The following CSMD1 variants were observed in gnomAD, a reference collection of about 807,000 sequenced individuals.
The protein encoded by CSMD1 is CUB and sushi domain-containing protein 1.
CSMD1 carries 213 observed loss-of-function variants against 417.5 expected under a neutral mutation model. That is an observed-to-expected ratio of 0.51 (90% CI 0.46 to 0.57). CSMD1 has a LOEUF of 0.57. Among genes scored for constraint, CSMD1 ranks in the 20% least tolerant of loss-of-function variants. The probability of loss-of-function intolerance (pLI) is 0.00; values close to 1 mark genes in which losing one functional copy is unlikely to be tolerated. For synonymous variants in CSMD1, 2,862 were observed against 1,736.8 expected (o/e 1.65, Z -16.11); for missense variants, 6,923 against 4,529.7 (o/e 1.53, Z -15.17).
In CSMD1 at chr8:4,658,237, C is replaced by T. The variant is rs149298549; in HGVS notation, c.86-20679G>A. ...ATTTACTAATCAAAATAAATCAACA[C>T]ATTCGAGAAACTCAGATACGTGTAG... On this transcript the variant is annotated intron_variant, in intron 1 of 69. Coordinates refer to ENST00000635120, the MANE Select transcript of CSMD1 (RefSeq NM_033225.6). Among the ~76,000 whole-genome samples the T allele has an allele frequency of 4.5e-3, 687 of 152,230 alleles. 1 individual carries two copies. Among genetic ancestry groups the T allele is most frequent in the Non-Finnish European group, 6.9e-3 (470 of 67,982 alleles).
chr8:3,246,755 G>C (rs1397705102), intron 26 of CSMD1, among the ~76,000 whole-genome samples: 1 of 152,140 alleles, frequency 6.6e-6, no homozygotes, highest in African/African-American at 2.4e-5. Flanking sequence ...TTACAGGTGT[G>C]AACCACCGGG....
intron 1 of CSMD1, among the ~76,000 whole-genome samples, chr8:4,961,103 G>T (rs548678466): frequency 6.6e-6 from 1 of 152,028 alleles, no homozygotes; most frequent in African/African-American, 2.4e-5. Context: ...ACCTCATTAG[G>T]ACTATAAAAT....
At chr8:3,960,558 T>C (rs1327580074) in intron 5 of CSMD1, among the ~76,000 whole-genome samples, 2 of 152,146 alleles carry the variant, frequency 1.3e-5, no homozygotes, top group Admixed American at 6.6e-5. Flanking sequence ...GCATTTTTAG[T>C]CTTGAGGATT....
At chr8:4,096,619 A>G (rs1170866987) in intron 3 of CSMD1, among the ~76,000 whole-genome samples, 1 of 152,250 alleles carries the variant, frequency 6.6e-6, no homozygotes, top group Non-Finnish European at 1.5e-5. Flanking sequence ...ATCAATTACA[A>G]TGAAAGATAT....
At chr8:3,466,514 A>G (rs1431071600) in intron 12 of CSMD1, among the ~76,000 whole-genome samples, 2 of 150,834 alleles carry the variant, frequency 1.3e-5, no homozygotes, top group African/African-American at 4.9e-5. Flanking sequence ...GGTTCAAGCG[A>G]TTCTTCTGCC....
intron 1 of CSMD1, among the ~76,000 whole-genome samples, chr8:4,861,887 G>A (rs1188317308): frequency 1.3e-5 from 2 of 152,180 alleles, no homozygotes; most frequent in South Asian, 2.1e-4. Flanking sequence ...GAGAGACAGA[G>A]GGAGAACCTG....
intron 3 of CSMD1, among the ~76,000 whole-genome samples, chr8:4,277,304 A>G (rs1435535558): frequency 6.6e-6 from 1 of 152,102 alleles, no homozygotes; most frequent in African/African-American, 2.4e-5. Context: ...TTAAAAATCC[A>G]CTGAAGGGAA....
Position 4,342,778 on chromosome 8 carries a change from G to T in CSMD1, c.415+77175C>A, listed in dbSNP as rs1038372396. Among the ~76,000 whole-genome samples, 7 of 151,998 alleles carry T rather than the reference G, an allele frequency of 4.6e-5. No individual in the cohort carries two copies. The South Asian group carries it at 1.5e-3, about 32-fold the overall frequency. ...CGTGTTAAAAAGAAAAATAATACAA[G>T]CTCAAGGGACTTGGAAAGGTGGTTC... On this transcript the variant is annotated intron_variant, in intron 3 of 69. Coordinates refer to ENST00000635120, the MANE Select transcript of CSMD1 (RefSeq NM_033225.6).
At chr8:3,769,542 T>A (rs1251275834) in intron 5 of CSMD1, among the ~76,000 whole-genome samples, 2 of 150,236 alleles carry the variant, frequency 1.3e-5, no homozygotes, top group Admixed American at 6.6e-5. Context: ...GTGACAAAAA[T>A]ACACCTAGTT....
intron 3 of CSMD1, among the ~76,000 whole-genome samples, chr8:4,189,525 C>T (rs573977138): frequency 1.3e-5 from 2 of 152,150 alleles, no homozygotes; most frequent in South Asian, 4.1e-4. Flanking sequence ...TATTAAAGAT[C>T]AATCAACTTT....
chr8:4,957,518 T>G (rs1052048867), intron 1 of CSMD1, among the ~76,000 whole-genome samples: 8 of 152,136 alleles, frequency 5.3e-5, no homozygotes, highest in Admixed American at 4.6e-4. Flanking sequence ...TCTTATCAAC[T>G]TTTCTGAAGT....
chr8:4,339,522 T>G (rs1192305016), intron 3 of CSMD1, among the ~76,000 whole-genome samples: 3 of 152,244 alleles, frequency 2.0e-5, no homozygotes, highest in Middle Eastern at 3.4e-3. Context: ...GACTTCAATT[T>G]CAGTCCTACA....
intron 3 of CSMD1, among the ~76,000 whole-genome samples, chr8:4,125,595 C>T (rs1035139520): frequency 5.3e-5 from 8 of 152,218 alleles, no homozygotes; most frequent in African/African-American, 1.9e-4. Context: ...ACTGCCTTTG[C>T]AGAATTATAA....
intron 6 of CSMD1, among the ~76,000 whole-genome samples, chr8:3,743,126 C>G (rs1181029680): frequency 6.6e-6 from 1 of 152,172 alleles, no homozygotes; most frequent in Non-Finnish European, 1.5e-5. Context: ...GAGAGACTTG[C>G]TCAGTGTCAT....
chr8:4,978,989 A>G (rs1257569213), intron 1 of CSMD1, among the ~76,000 whole-genome samples: 1 of 152,220 alleles, frequency 6.6e-6, no homozygotes, highest in East Asian at 1.9e-4. Context: ...AGAAAGTAGT[A>G]GCAAACCTTA....
At chr8:2,938,845 G>A in intron 69 of CSMD1, 101 bp from the exon 70 acceptor site, 2 of 1,016,686 alleles carry the variant, frequency 2.0e-6, no homozygotes, top group South Asian at 1.6e-5. Flanking sequence ...GCAGGGAGCA[G>A]TATAGCCAGG....
At chr8:3,989,600 G>A (rs543392679) in intron 5 of CSMD1, among the ~76,000 whole-genome samples, 4 of 152,080 alleles carry the variant, frequency 2.6e-5, no homozygotes, top group African/African-American at 9.7e-5. Flanking sequence ...AGATTTCTCA[G>A]GTGCCATCTA....
chr8:4,332,671 C>G (rs534212563), intron 3 of CSMD1, among the ~76,000 whole-genome samples: 1 of 151,790 alleles, frequency 6.6e-6, no homozygotes, highest in African/African-American at 2.4e-5. Context: ...GTTTTGCTAG[C>G]TGGCACCCCT....
chr8:3,975,576 G>C (rs775756256), intron 5 of CSMD1, among the ~76,000 whole-genome samples: 6 of 152,154 alleles, frequency 3.9e-5, no homozygotes, highest in African/African-American at 9.7e-5. Context: ...CTTTATCAGA[G>C]AGAAGCTGGG....
Sources: gnomAD v4.1 joint callset for allele counts (sites outside exome capture counted in the v4.1 genomes callset) on GRCh38, gnomAD v4.1.1 for gene constraint, MANE v1.5 for transcripts, NCBI Gene and HGNC (gene_info 2026-07-23, HGNC 2026-07-21) for gene names.